NTNG2: variants seen among roughly 807,000 people sequenced by gnomAD.
NTNG2 encodes netrin G2, also known as netrin-G2.
A neutral mutation model predicts 47.6 loss-of-function variants in NTNG2; 15 were observed. The ratio of observed to expected loss-of-function variants is 0.32; its 90% CI spans 0.21 to 0.49. The LOEUF (loss-of-function observed/expected upper bound fraction) is 0.49, where lower values mean the gene tolerates loss of function less well. Ranked by LOEUF, NTNG2 falls within the 20% of genes least tolerant of loss-of-function variation. The probability of loss-of-function intolerance (pLI) is 0.99; values close to 1 mark genes in which losing one functional copy is unlikely to be tolerated. For synonymous variants in NTNG2, 307 were observed against 324.6 expected (o/e 0.95, Z 0.58); for missense variants, 578 against 764.6 (o/e 0.76, Z 2.88).
intron 3 of NTNG2, 32 bp downstream of exon 3, chr9:132,198,641 G>A (rs755982964): frequency 6.3e-7 from 1 of 1,585,794 alleles, no homozygotes; most frequent in Non-Finnish European, 8.6e-7. Context: ...GATGTCACCT[G>A]CAACCTGGGA....
intron 4 of NTNG2, among the ~76,000 whole-genome samples, chr9:132,230,264 G>C (rs933053873): frequency 3.9e-5 from 6 of 152,212 alleles, no homozygotes; most frequent in Admixed American, 1.3e-4. Context: ...CCAGTGGAGC[G>C]TTTGGCACCT....
chr9:132,164,537 T>C (rs1228483769), intron 1 of NTNG2, among the ~76,000 whole-genome samples: 1 of 152,262 alleles, frequency 6.6e-6, no homozygotes, highest in Non-Finnish European at 1.5e-5. Context: ...AGGAACGTGC[T>C]GTGCTCTGGG....
At chr9:132,241,742 A>T in intron 7 of NTNG2, 134 bp from the exon 8 acceptor site, 1 of 616,000 alleles carries the variant, frequency 1.6e-6, no homozygotes, top group Admixed American at 3.5e-5. Context: ...TTTCGCACCC[A>T]GCGCGCCTGG....
rs1441371645 is a variant in NTNG2, at chr9:132,231,028, C to G, written c.1054+433C>G. 6.6e-6 allele frequency among the ~76,000 whole-genome samples: 1 copy of G among 152,120 alleles called. No homozygotes were observed. Among genetic ancestry groups the G allele is most frequent in the African/African-American group, 2.4e-5 (1 of 41,414 alleles). ...TCAAGAGTGGGGTGACCTTCCCCCA[C>G]CAGGGGCAGAATCCACCCCCTAGCC... On this transcript the variant is annotated intron_variant, in intron 5 of 7. Transcript: ENST00000393229. The surrounding 1 kb of genome is among the most constrained non-coding windows in gnomAD (Gnocchi z 4.1).
chr9:132,223,506 C>G (rs1047881941), intron 3 of NTNG2, among the ~76,000 whole-genome samples: 1 of 152,090 alleles, frequency 6.6e-6, no homozygotes, highest in Non-Finnish European at 1.5e-5. Context: ...AAGCGTCACC[C>G]CTCCCAGTGG....
At chr9:132,223,598 A>G (rs928823940) in intron 3 of NTNG2, among the ~76,000 whole-genome samples, 1 of 152,086 alleles carries the variant, frequency 6.6e-6, no homozygotes, top group Non-Finnish European at 1.5e-5. Flanking sequence ...AGTCAGGGGG[A>G]AACGGAAGTT....
In NTNG2 at chr9:132,190,193, A is replaced by C. The variant is rs536276629; in HGVS notation, c.214-7773A>C. ...GCTTGCAGTGACCCGAGATAGCGCC[A>C]CTGCACTCCAGACTGGGCGAAAGAG... On this transcript the variant is annotated intron_variant, in intron 2 of 7. Coordinates refer to ENST00000393229, the MANE Select transcript of NTNG2 (RefSeq NM_032536.4). Among the ~76,000 whole-genome samples the C allele has an allele frequency of 1.7e-3, 243 of 141,200 alleles. 5 individuals carry two copies. Among genetic ancestry groups the C allele is most frequent in the African/African-American group, 6.2e-3 (233 of 37,362 alleles). 92.6% of individuals were successfully genotyped at this position (141,200 alleles called of 152,430 possible).
intron 1 of NTNG2, among the ~76,000 whole-genome samples, chr9:132,164,863 C>T (rs1179002589): frequency 6.6e-6 from 1 of 152,218 alleles, no homozygotes; most frequent in Non-Finnish European, 1.5e-5. Context: ...TGGCTGGGGG[C>T]TGCTCCGAGC....
intron 2 of NTNG2, among the ~76,000 whole-genome samples, chr9:132,181,347 G>C (rs528954913): frequency 6.7e-6 from 1 of 148,216 alleles, no homozygotes; most frequent in South Asian, 2.2e-4. Context: ...TTGAGACGGA[G>C]TCTTGCTCTG....
chr9:132,191,007 C>T (rs992553724), intron 2 of NTNG2, among the ~76,000 whole-genome samples: 1 of 152,162 alleles, frequency 6.6e-6, no homozygotes, highest in South Asian at 2.1e-4. Context: ...AGGTTGGGTC[C>T]CGTGGAGTCC....
Position 132,197,181 on chromosome 9 carries a change from G to A in NTNG2, c.214-785G>A, listed in dbSNP as rs1838376005. On this transcript the variant is annotated intron_variant, in intron 2 of 7. Transcript: ENST00000393229. The surrounding 1 kb of genome is among the most constrained non-coding windows in gnomAD (Gnocchi z 4.3). Reference sequence around the variant, plus strand: ...AAGCCAGGTGGATCAACGGAGGTCAGAGTTCGAGACCAGCCTGGCCAACAT... The same window carrying A: ...AAGCCAGGTGGATCAACGGAGGTCAAAGTTCGAGACCAGCCTGGCCAACAT... 6.6e-6 allele frequency among the ~76,000 whole-genome samples: 1 copy of A among 152,180 alleles called. No individual in the cohort carries two copies. The highest frequency in any genetic ancestry group is 1.5e-5 in the Non-Finnish European group (1 of 68,044).
intron 2 of NTNG2, among the ~76,000 whole-genome samples, chr9:132,175,214 C>CT (rs1160839580): frequency 6.6e-6 from 1 of 152,218 alleles, no homozygotes; most frequent in Non-Finnish European, 1.5e-5. Context: ...AGGTCTGTTA[C>CT]TGTGCATCTG....
chr9:132,237,094 G>A (rs974641655), intron 5 of NTNG2, among the ~76,000 whole-genome samples: 6 of 152,188 alleles, frequency 3.9e-5, no homozygotes, highest in Non-Finnish European at 5.9e-5. Flanking sequence ...CAGGGCGCGG[G>A]GGTGTCAGGG....
At chr9:132,189,238 G>A (rs73561547) in intron 2 of NTNG2, among the ~76,000 whole-genome samples, 1,858 of 151,604 alleles carry the variant, frequency 0.012, 18 homozygotes, top group African/African-American at 0.023. Flanking sequence ...CACCATGCCC[G>A]GCTAGTTTTC....
rs903088955 is a variant in NTNG2, at chr9:132,162,203, C to T, written c.-520C>T. On this transcript the variant is annotated 5_prime_UTR_variant, in exon 1 of 8. Coordinates refer to ENST00000393229, the MANE Select transcript of NTNG2 (RefSeq NM_032536.4). The surrounding 1 kb of genome is among the most constrained non-coding windows in gnomAD (Gnocchi z 4.6). The stretch of plus-strand genomic sequence containing the variant: ...CCGGAGGGTGGCGGTCCTCGGCCCT[C>T]CCAGGTCTCCGCGCCGGGAAGCCGC... 1.3e-5 allele frequency: 2 copies of T among 152,630 alleles called. No homozygotes were observed. The highest frequency in any genetic ancestry group is 2.9e-5 in the Non-Finnish European group (2 of 67,956). The allele number at this position is 152,630 out of a possible 1,614,324, so 9.5% of individuals were successfully genotyped here. A position where few individuals can be genotyped will look rare whatever the true frequency, so the allele number is the denominator to read the frequency against.
rs529306367 is a variant in NTNG2, at chr9:132,216,706, G to T, written c.858-10143G>T. ...TGATGGTTTTCTGGTGAGATTGATG[G>T]TTCCTGAGGGTCAAATTCAGAGAGC... On this transcript the variant is annotated intron_variant, in intron 3 of 7. Coordinates refer to ENST00000393229, the MANE Select transcript of NTNG2 (RefSeq NM_032536.4). Among the ~76,000 whole-genome samples the T allele has an allele frequency of 5.3e-5, 8 of 152,226 alleles. 1 individual carries two copies. In the South Asian group the frequency reaches 1.7e-3, roughly 32 times the overall value.
chr9:132,172,366 T>C (rs1244743315), intron 2 of NTNG2, among the ~76,000 whole-genome samples: 1 of 152,182 alleles, frequency 6.6e-6, no homozygotes, highest in African/African-American at 2.4e-5. Flanking sequence ...ATGGAGAGTT[T>C]AGAATCCCGT....
In NTNG2 at chr9:132,231,206, G is replaced by T; in HGVS notation, c.1054+611G>T. ...CCTGAGAGTTCCCCAGGAGGGCGAG[G>T]GCGACATGGCGCCCACAGGTTATCA... On this transcript the variant is annotated intron_variant, in intron 5 of 7. Coordinates refer to ENST00000393229, the MANE Select transcript of NTNG2 (RefSeq NM_032536.4). This position sits in a 1 kb window ranked among gnomAD's most constrained non-coding sequence, Gnocchi z 4.1. The T allele has an allele frequency of 2.4e-6, 1 of 422,710 alleles. No individual in the cohort carries two copies. Among genetic ancestry groups the T allele is most frequent in the Non-Finnish European group, 4.8e-6 (1 of 209,812 alleles). 26.2% of individuals were successfully genotyped at this position (422,710 alleles called of 1,614,324 possible). A position where few individuals can be genotyped will look rare whatever the true frequency, so the allele number is the denominator to read the frequency against.
At chr9:132,216,664 G>C (rs987756419) in intron 3 of NTNG2, among the ~76,000 whole-genome samples, 12 of 152,090 alleles carry the variant, frequency 7.9e-5, no homozygotes, top group African/African-American at 2.9e-4. Context: ...CTGTGTCGGG[G>C]GATCAGGTGG....
Sources: allele counts gnomAD v4.1 joint callset (sites outside exome capture counted in the v4.1 genomes callset), GRCh38; gene constraint gnomAD v4.1.1; non-coding constraint Gnocchi (gnomAD v3.1); transcripts MANE v1.5; gene names NCBI Gene and HGNC (gene_info 2026-07-23, HGNC 2026-07-21).